Variants in SMC5 observed in about 807,000 individuals in gnomAD.
SMC5 encodes structural maintenance of chromosomes 5, also known as structural maintenance of chromosomes protein 5.
Under a neutral mutation model 148.3 loss-of-function variants are expected in SMC5, and 88 were observed. The observed-to-expected ratio is 0.59, with a 90% CI of 0.50 to 0.71. The LOEUF is 0.71. SMC5 is among the 30% of genes least tolerant of loss of function. The pLI, the probability that SMC5 is intolerant of heterozygous loss-of-function variation, is 0.00. For missense variants in SMC5, 1,142 were observed against 1,298.9 expected, an observed-to-expected ratio of 0.88 and a Z score of 1.86; for synonymous variants, 421 against 432.8, an observed-to-expected ratio of 0.97 and a Z score of 0.34.
At chr9:70,274,388 C>A (rs543990865) in intron 3 of SMC5, among the ~76,000 whole-genome samples, 1 of 152,174 alleles carries the variant, frequency 6.6e-6, no homozygotes, top group East Asian at 1.9e-4. Flanking sequence ...GCCGTGAATT[C>A]AACTTTCTGT....
At position 70,347,097 on chromosome 9, in the gene SMC5, A is replaced by T. The variant is rs1271286860; in HGVS notation, c.2600A>T (p.Glu867Val). ...CAAGACCTTCCAAACACATTGGATG[A>T]AATTGATGCTTTATTAACTGAAGAA... Reference protein sequence around the residue: ...VFQDLPNTLDEIDALLTEERS... With the variant: ...VFQDLPNTLDVIDALLTEERS... Residue 867 changes from glutamate to valine, a missense_variant, in exon 20 of 25, where the codon GAA (glutamate) becomes GTA (valine). Physicochemically the swap from Glu to Val is moderately radical, Grantham distance 121. This residue lies in a region of SMC5 where 743 missense variants were observed against 835.7 expected (regional missense o/e 0.89). Transcript: ENST00000361138. 1 of 1,613,962 alleles carries T rather than the reference A, an allele frequency of 6.2e-7. No individual in the cohort carries two copies. Among genetic ancestry groups the T allele is most frequent in the Admixed American group, 1.7e-5 (1 of 60,002 alleles).
intron 11 of SMC5, among the ~76,000 whole-genome samples, chr9:70,312,569 T>C (rs2118548070): frequency 6.6e-6 from 1 of 152,342 alleles, no homozygotes; most frequent in African/African-American, 2.4e-5. Context: ...GCGTGGATTT[T>C]CCACAAATGC....
chr9:70,302,837 C>T (rs1324597038), intron 10 of SMC5, among the ~76,000 whole-genome samples: 1 of 152,154 alleles, frequency 6.6e-6, no homozygotes, highest in African/African-American at 2.4e-5. Context: ...CTTGAGTCTT[C>T]CTGAGCAGGT....
intron 8 of SMC5, among the ~76,000 whole-genome samples, chr9:70,290,869 A>T (rs2035038875): frequency 6.6e-6 from 1 of 152,218 alleles, no homozygotes; most frequent in Non-Finnish European, 1.5e-5. Flanking sequence ...GGGCAAACAG[A>T]AAAAGGGTTA....
rs1341248040 is a variant in SMC5 at position 70,347,060 on chromosome 9, T to C, written c.2569-6T>C. 6.2e-7 allele frequency: 1 copy of C among 1,610,416 alleles called. No homozygotes were observed. The highest frequency in any genetic ancestry group is 8.5e-7 in the Non-Finnish European group (1 of 1,177,804). On this transcript the variant is annotated splice_polypyrimidine_tract_variant and splice_region_variant and intron_variant, in intron 19 of 24. Transcript: ENST00000361138. ...TATCTATAATGACGGGCAATTTTTT[T>C]CTTAGGTTTTCCAAGACCTTCCAAA...
At chr9:70,266,751 C>T (rs2034301935) in intron 2 of SMC5, among the ~76,000 whole-genome samples, 1 of 152,150 alleles carries the variant, frequency 6.6e-6, no homozygotes. Flanking sequence ...TTAACAAAAA[C>T]ATACTCTACA....
At chr9:70,274,594 G>T (rs1163486283) in intron 3 of SMC5, among the ~76,000 whole-genome samples, 1 of 151,668 alleles carries the variant, frequency 6.6e-6, no homozygotes, top group African/African-American at 2.4e-5. Context: ...TTTAAGTAAA[G>T]CATATAATCA....
At chr9:70,319,348 C>A (rs2035890901) in intron 15 of SMC5, among the ~76,000 whole-genome samples, 1 of 151,762 alleles carries the variant, frequency 6.6e-6, no homozygotes, top group South Asian at 2.1e-4. Flanking sequence ...AAAAATAAAC[C>A]CATTATGTGT....
At chr9:70,270,275 A>G (rs1291384312) in intron 3 of SMC5, among the ~76,000 whole-genome samples, 2 of 152,208 alleles carry the variant, frequency 1.3e-5, no homozygotes, top group Non-Finnish European at 2.9e-5. Flanking sequence ...GATGATTAGC[A>G]AAATACAGGG....
chr9:70,322,057 T>G (rs2035961865), intron 15 of SMC5, among the ~76,000 whole-genome samples: 1 of 152,246 alleles, frequency 6.6e-6, no homozygotes, highest in Non-Finnish European at 1.5e-5. Flanking sequence ...ATAAATTGAA[T>G]CATATTTGAA....
intron 4 of SMC5, 118 bp downstream of exon 4, chr9:70,277,590 C>A: frequency 1.4e-6 from 1 of 737,664 alleles, no homozygotes; most frequent in Non-Finnish European, 2.0e-6. Flanking sequence ...TCTTACAGTT[C>A]TTTGTAAAGG....
chr9:70,277,374 T>A lies in SMC5; in HGVS notation c.445T>A (p.Trp149Arg). Residue 149 changes from tryptophan (W) to arginine (R), a missense_variant, in exon 4 of 25, where the codon TGG becomes AGG. This residue lies in a region of SMC5 where 297 missense variants were observed against 302.6 expected (regional missense o/e 0.98). Coordinates refer to ENST00000361138, the MANE Select transcript of SMC5 (RefSeq NM_015110.4). ...EIDVAKNQSF[W>R]FINKKSTTQK... is the part of the protein sequence containing the mutation. ...TGATGTGGCAAAAAATCAGTCCTTTTGGTTCATCAACAAAAAATCTACAAC... is the reference window on the plus strand; with the variant it reads ...TGATGTGGCAAAAAATCAGTCCTTTAGGTTCATCAACAAAAAATCTACAAC... 1.2e-6 allele frequency: 2 copies of A among 1,605,422 alleles called. No individual in the cohort carries two copies. The highest frequency in any genetic ancestry group is 1.7e-6 in the Non-Finnish European group (2 of 1,175,760).
intron 17 of SMC5, among the ~76,000 whole-genome samples, chr9:70,336,240 A>T (rs184010883): frequency 1.3e-5 from 2 of 152,362 alleles, no homozygotes; most frequent in Admixed American, 1.3e-4. Context: ...GAATGGAAAG[A>T]TTAAATCAGA....
intron 11 of SMC5, among the ~76,000 whole-genome samples, chr9:70,307,083 A>C (rs980255475): frequency 1.3e-5 from 2 of 152,218 alleles, no homozygotes; most frequent in East Asian, 3.8e-4. Context: ...AAGGAAATAC[A>C]TCATTACAAA....
chr9:70,312,640 A>T (rs1435267426), intron 11 of SMC5, among the ~76,000 whole-genome samples: 1 of 152,172 alleles, frequency 6.6e-6, no homozygotes, highest in East Asian at 1.9e-4. Context: ...TTTATTGTAA[A>T]TGGATGTCAA....
chr9:70,339,428 CAAAAA>C (rs796734731), intron 17 of SMC5, among the ~76,000 whole-genome samples: 1 of 76,592 alleles, frequency 1.3e-5, no homozygotes, highest in Non-Finnish European at 2.8e-5. Flanking sequence ...GACTCCGTCT[CAAAAA>C]AAAAAAAAAA....
intron 17 of SMC5, among the ~76,000 whole-genome samples, chr9:70,338,453 T>G (rs1230587870): frequency 6.6e-6 from 1 of 152,186 alleles, no homozygotes; most frequent in Admixed American, 6.5e-5. Context: ...CGGCTACCAC[T>G]CTGTCTAGGC....
intron 17 of SMC5, among the ~76,000 whole-genome samples, chr9:70,333,110 TA>T (rs201176835): frequency 1.3e-5 from 2 of 150,990 alleles, no homozygotes; most frequent in African/African-American, 2.4e-5. Context: ...GTATTAAATG[TA>T]AAAAAAAACC....
chr9:70,291,721 G>A (rs1045886246), intron 8 of SMC5, among the ~76,000 whole-genome samples: 8 of 152,188 alleles, frequency 5.3e-5, no homozygotes, highest in African/African-American at 1.9e-4. Flanking sequence ...GTGGTGAGCT[G>A]TGAGTCAGGT....
Sources: allele counts gnomAD v4.1 joint callset (sites outside exome capture counted in the v4.1 genomes callset), GRCh38; gene constraint gnomAD v4.1.1; regional missense constraint gnomAD v4.1.1; transcripts MANE v1.5; gene names NCBI Gene and HGNC (gene_info 2026-07-23, HGNC 2026-07-21).